NIBAN2: variants seen among roughly 807,000 people sequenced by gnomAD.
NIBAN2 encodes niban apoptosis regulator 2.
NIBAN2 carries 36 observed loss-of-function variants against 81.8 expected under a neutral mutation model. That is an observed-to-expected ratio of 0.44 (90% confidence interval 0.34 to 0.58). NIBAN2 has a LOEUF of 0.58. NIBAN2 is among the 20% of genes least tolerant of loss of function. NIBAN2 has a pLI of 0.02. For missense variants in NIBAN2, 897 were observed against 1,014.1 expected, an observed-to-expected ratio of 0.88 and a Z score of 1.57; for synonymous variants, 445 against 441.6, an observed-to-expected ratio of 1.01 and a Z score of -0.10.
chr9:127,520,844 A>C (rs952579906), intron 5 of NIBAN2, among the ~76,000 whole-genome samples: 3 of 152,120 alleles, frequency 2.0e-5, no homozygotes, highest in Non-Finnish European at 4.4e-5. Flanking sequence ...AGATTGCGCC[A>C]CTGCACTCCA....
Position 127,514,319 on chromosome 9 carries a change from C to G in NIBAN2, c.973+2538G>C, listed in dbSNP as rs993598133. 3.3e-5 allele frequency among the ~76,000 whole-genome samples: 5 copies of G among 149,386 alleles called. No individual in the cohort carries two copies. In the South Asian group the frequency reaches 8.6e-4, roughly 26 times the overall value. ...GAATATACTTGGATTGTTTGTAACACAAAGGATAAATGCTTGAGGGGATAG... is the reference window on the plus strand; with the variant it reads ...GAATATACTTGGATTGTTTGTAACAGAAAGGATAAATGCTTGAGGGGATAG... On this transcript the variant is annotated intron_variant, in intron 8 of 13. Transcript: ENST00000373312.
chr9:127,514,680 T>G (rs918695468), intron 8 of NIBAN2, among the ~76,000 whole-genome samples: 3 of 152,242 alleles, frequency 2.0e-5, no homozygotes, highest in Admixed American at 6.5e-5. Context: ...TGCATAATTA[T>G]GTAAAAGCCT....
chr9:127,524,114 A>G (rs879293973), intron 4 of NIBAN2, among the ~76,000 whole-genome samples: 2 of 152,196 alleles, frequency 1.3e-5, no homozygotes, highest in Non-Finnish European at 2.9e-5. Context: ...CTCTTGGGTT[A>G]GGTTTTAAAC....
At position 127,563,968 on chromosome 9, in the gene NIBAN2, G is replaced by A. The variant is rs1454769837; in HGVS notation, c.55+4852C>T. Among the ~76,000 whole-genome samples, 1 of 152,114 alleles carries A rather than the reference G, an allele frequency of 6.6e-6. No individual in the cohort carries two copies. The highest frequency in any genetic ancestry group is 1.5e-5 in the Non-Finnish European group (1 of 68,014). ...AGCAGGAGAGTGTCAAACGCCTGCT[G>A]CCTTCTTAAAGGCTATGTGTCCATC... On this transcript the variant is annotated intron_variant, in intron 1 of 13. Transcript: ENST00000373312. This position sits in a 1 kb window ranked among gnomAD's most constrained non-coding sequence, Gnocchi z 4.1.
At chr9:127,533,683 A>C (rs1248095874) in intron 1 of NIBAN2, among the ~76,000 whole-genome samples, 1 of 152,198 alleles carries the variant, frequency 6.6e-6, no homozygotes, top group African/African-American at 2.4e-5. Context: ...CATATAGCTT[A>C]CTTAGGCTTG....
chr9:127,519,188 A>ACCACACAGTATGAATTTATTGTTCCC (rs1836889490), intron 5 of NIBAN2, among the ~76,000 whole-genome samples: 1 of 151,302 alleles, frequency 6.6e-6, no homozygotes. Flanking sequence ...AAAAAAAAAA[A>ACCACACAGTATGAATTTATTGTTCCC]AAAAAAAAAA....
At chr9:127,529,913 C>T (rs186160124) in intron 2 of NIBAN2, among the ~76,000 whole-genome samples, 234 of 152,254 alleles carry the variant, frequency 1.5e-3, no homozygotes, top group African/African-American at 5.5e-3. Flanking sequence ...ATTTCACTCT[C>T]CTTGCTTACA....
intron 1 of NIBAN2, among the ~76,000 whole-genome samples, chr9:127,543,925 G>A (rs1257913365): frequency 3.3e-5 from 5 of 152,188 alleles, no homozygotes; most frequent in Admixed American, 3.3e-4. Flanking sequence ...AAAAATTATA[G>A]TCAACATTGT....
At chr9:127,513,131 C>T (rs1172838739) in intron 8 of NIBAN2, among the ~76,000 whole-genome samples, 3 of 152,162 alleles carry the variant, frequency 2.0e-5, no homozygotes, top group Non-Finnish European at 2.9e-5. Context: ...ATCACATGTC[C>T]TCACTTATTT....
intron 8 of NIBAN2, among the ~76,000 whole-genome samples, chr9:127,516,061 T>C (rs1182722244): frequency 6.6e-6 from 1 of 152,056 alleles, no homozygotes; most frequent in Non-Finnish European, 1.5e-5. Flanking sequence ...TGGTAGAGAC[T>C]GCAGTGAGCC....
At chr9:127,569,091 C>T (rs1276231156), upstream of NIBAN2, 8 of 1,037,476 alleles carry the variant, frequency 7.7e-6, no homozygotes, top group Middle Eastern at 4.5e-4. Context: ...TCCCTGCCCT[C>T]GGCCCTGCAC....
chr9:127,542,718 C>A (rs959254382), intron 1 of NIBAN2, among the ~76,000 whole-genome samples: 1 of 152,152 alleles, frequency 6.6e-6, no homozygotes, highest in Non-Finnish European at 1.5e-5. Context: ...TTCCCTGAGG[C>A]CAGTTTTGTT....
intron 1 of NIBAN2, among the ~76,000 whole-genome samples, chr9:127,543,854 T>A (rs1393038390): frequency 2.0e-5 from 3 of 152,192 alleles, no homozygotes; most frequent in African/African-American, 7.2e-5. Context: ...AATTGCAACA[T>A]GAGCTAATGC....
chr9:127,526,398 C>CAAAA (rs71495649), intron 3 of NIBAN2, among the ~76,000 whole-genome samples: 8 of 92,574 alleles, frequency 8.6e-5, no homozygotes, highest in African/African-American at 2.6e-4. Flanking sequence ...GACTTCATCT[C>CAAAA]AAAAAAAAAA....
rs539903452 is a variant in NIBAN2 at position 127,535,673 on chromosome 9, C to T, written c.56-3895G>A. 4.6e-5 allele frequency among the ~76,000 whole-genome samples: 7 copies of T among 152,188 alleles called. No individual in the cohort carries two copies. In the South Asian group the frequency reaches 1.0e-3, roughly 23 times the overall value. On this transcript the variant is annotated intron_variant, in intron 1 of 13. Transcript: ENST00000373312. ...GTTCCCTCTAGGTTTGTCACGTTGGCCCCAGGTGGGGCTGGAGTCGCTCAC... is the reference window on the plus strand; with the variant it reads ...GTTCCCTCTAGGTTTGTCACGTTGGTCCCAGGTGGGGCTGGAGTCGCTCAC...
intron 1 of NIBAN2, among the ~76,000 whole-genome samples, chr9:127,575,937 C>A (rs551301134): frequency 1.9e-4 from 29 of 152,288 alleles, no homozygotes; most frequent in South Asian, 1.5e-3. Flanking sequence ...ACCCTGCCCC[C>A]CTACTAGGTC....
intron 5 of NIBAN2, among the ~76,000 whole-genome samples, chr9:127,521,445 G>C (rs1836939800): frequency 6.6e-6 from 1 of 152,156 alleles, no homozygotes; most frequent in African/African-American, 2.4e-5. Flanking sequence ...ACCCGGCACA[G>C]CCAGTGCCCC....
chr9:127,526,014 C>T (rs938924872), intron 3 of NIBAN2, among the ~76,000 whole-genome samples: 1 of 152,186 alleles, frequency 6.6e-6, no homozygotes, highest in Non-Finnish European at 1.5e-5. Context: ...CACTATACAA[C>T]ACAGTTCCTG....
chr9:127,523,405 GA>G (rs1163260145), intron 5 of NIBAN2, among the ~76,000 whole-genome samples: 4 of 151,098 alleles, frequency 2.6e-5, no homozygotes, highest in Non-Finnish European at 5.9e-5. Flanking sequence ...GCAGAATCAG[GA>G]TTGTGACTTT....
Sources: allele counts gnomAD v4.1 joint callset (sites outside exome capture counted in the v4.1 genomes callset), GRCh38; gene constraint gnomAD v4.1.1; non-coding constraint Gnocchi (gnomAD v3.1); transcripts MANE v1.5; gene names NCBI Gene and HGNC (gene_info 2026-07-23, HGNC 2026-07-21).